The following NCS1 variants were observed in gnomAD, a reference collection of about 807,000 sequenced individuals.
NCS1 encodes frequenin homolog.
In NCS1, 6 loss-of-function variants were observed where a neutral mutation model predicts 28.4. The observed-to-expected ratio is 0.21, with a 90% confidence interval of 0.12 to 0.42. The LOEUF (loss-of-function observed/expected upper bound fraction) is 0.42. Ranked by LOEUF, NCS1 falls within the 10% of genes least tolerant of loss-of-function variation. NCS1 has a pLI of 1.00. For synonymous variants in NCS1, 86 were observed against 99.3 expected, an observed-to-expected ratio of 0.87 and a Z score of 0.79; for missense variants, 131 against 241.4, an observed-to-expected ratio of 0.54 and a Z score of 3.03.
rs1159739239 is a variant in NCS1, at chr9:130,209,624, C to T, written c.90-8208C>T. Among the ~76,000 whole-genome samples, 3 of 152,118 alleles carry T rather than the reference C, an allele frequency of 2.0e-5. No homozygotes were observed. The highest frequency in any genetic ancestry group is 2.1e-4 in the South Asian group (1 of 4,824). ...CGAGGGCATTCACCCAGCCTGGCGCCGTGTTGGGGAAGAGAAGGTGGGAGG... is the reference window on the plus strand; with the variant it reads ...CGAGGGCATTCACCCAGCCTGGCGCTGTGTTGGGGAAGAGAAGGTGGGAGG... On this transcript the variant is annotated intron_variant, in intron 2 of 7. Coordinates refer to ENST00000372398, the MANE Select transcript of NCS1 (RefSeq NM_014286.4). The surrounding 1 kb of genome is among the most constrained non-coding windows in gnomAD (Gnocchi z 4.4).
chr9:130,208,786 C>T (rs1346636647), intron 2 of NCS1, among the ~76,000 whole-genome samples: 1 of 152,082 alleles, frequency 6.6e-6, no homozygotes, highest in South Asian at 2.1e-4. Flanking sequence ...TGAAACGGTG[C>T]CGTGCGGAGA....
chr9:130,178,224 C>T (rs530119607), intron 1 of NCS1, among the ~76,000 whole-genome samples: 48 of 152,272 alleles, frequency 3.2e-4, no homozygotes, highest in Middle Eastern at 6.8e-3. Flanking sequence ...GCAAGTCTTC[C>T]GCATCCAGGG....
chr9:130,212,802 G>C (rs1375314006), intron 2 of NCS1, among the ~76,000 whole-genome samples: 2 of 152,066 alleles, frequency 1.3e-5, no homozygotes, highest in Non-Finnish European at 2.9e-5. Context: ...AGCTCACTCG[G>C]GTGCCCACTG....
At chr9:130,218,488 A>C (rs1833222218) in intron 3 of NCS1, among the ~76,000 whole-genome samples, 1 of 152,240 alleles carries the variant, frequency 6.6e-6, no homozygotes, top group Non-Finnish European at 1.5e-5. Flanking sequence ...ACACCCTGAC[A>C]CTTCTCTTAC....
At chr9:130,185,533 C>T (rs541144198) in intron 1 of NCS1, among the ~76,000 whole-genome samples, 82 of 152,300 alleles carry the variant, frequency 5.4e-4, no homozygotes, top group African/African-American at 1.8e-3. Flanking sequence ...CCAGACCCTT[C>T]TCACCTGCTG....
intron 2 of NCS1, among the ~76,000 whole-genome samples, chr9:130,204,787 G>T (rs1268790172): frequency 4.6e-5 from 7 of 152,204 alleles, no homozygotes; most frequent in African/African-American, 1.7e-4. Context: ...CTCTGCTGGT[G>T]TCAGTAACCG....
chr9:130,193,383 G>A (rs1280936709), intron 1 of NCS1, among the ~76,000 whole-genome samples: 2 of 152,220 alleles, frequency 1.3e-5, no homozygotes, highest in African/African-American at 2.4e-5. Flanking sequence ...GGGATGGGGT[G>A]GGGGCTGAGA....
chr9:130,179,044 C>G (rs2131115456), intron 1 of NCS1, among the ~76,000 whole-genome samples: 1 of 150,764 alleles, frequency 6.6e-6, no homozygotes, highest in South Asian at 2.1e-4. Flanking sequence ...AAGCAAATCT[C>G]CTGTCTCAGC....
Position 130,212,509 on chromosome 9 carries a change from A to G in NCS1, c.90-5323A>G, listed in dbSNP as rs373433622. On this transcript the variant is annotated intron_variant, in intron 2 of 7. Transcript: ENST00000372398. Reference sequence around the variant, plus strand: ...GGGAAACCCTGATCTAGTATGAGCCACTTACTTTACTCACAGGGAAACCGA... The same window carrying G: ...GGGAAACCCTGATCTAGTATGAGCCGCTTACTTTACTCACAGGGAAACCGA... Among the ~76,000 whole-genome samples the G allele has an allele frequency of 2.0e-5, 3 of 148,822 alleles. No individual in the cohort carries two copies. The East Asian group carries it at 5.9e-4, about 29-fold the overall frequency.
intron 4 of NCS1, among the ~76,000 whole-genome samples, chr9:130,220,949 C>A (rs1833275755): frequency 6.6e-6 from 1 of 152,018 alleles, no homozygotes; most frequent in Non-Finnish European, 1.5e-5. Flanking sequence ...ATCCCAGGCC[C>A]CGGGCTCTCC....
Position 130,209,352 on chromosome 9 carries a change from C to G in NCS1, c.89+8370C>G, listed in dbSNP as rs1322663340. Among the ~76,000 whole-genome samples, 1 of 152,156 alleles carries G rather than the reference C, an allele frequency of 6.6e-6. No individual in the cohort carries two copies. The highest frequency in any genetic ancestry group is 2.4e-5 in the African/African-American group (1 of 41,428). On this transcript the variant is annotated intron_variant, in intron 2 of 7. Coordinates refer to ENST00000372398, the MANE Select transcript of NCS1 (RefSeq NM_014286.4). The surrounding 1 kb of genome is among the most constrained non-coding windows in gnomAD (Gnocchi z 4.4). ...TGAGAGTGGCAAATTCGGGGGAAGT[C>G]CTAGAGGACCGGGGCGTTTGGGAGA...
At chr9:130,222,601 T>TC (rs781842921) in intron 4 of NCS1, 49 bp from the exon 5 acceptor site, 2 of 1,512,528 alleles carry the variant, frequency 1.3e-6, no homozygotes, top group African/African-American at 2.8e-5. Flanking sequence ...TGAAGACCCC[T>TC]CCCCACTGCC....
rs1833357004 is a variant in NCS1 at position 130,223,097 on chromosome 9, C to T, written c.412C>T (p.Leu138Phe). 1 of 1,613,812 alleles carries T rather than the reference C, an allele frequency of 6.2e-7. No individual in the cohort carries two copies. Among genetic ancestry groups the T allele is most frequent in the Admixed American group, 1.7e-5 (1 of 59,988 alleles). ...GTCCCTGCAGGGGAATACCGTGGAG[C>T]TCCCAGAGGAGGAGAACACTCCTGA... ...IYQMVGNTVELPEEENTPEKR... is the reference protein window; with the variant it reads ...IYQMVGNTVEFPEEENTPEKR... Residue 138 changes from leucine (L) to phenylalanine (F), a missense_variant, in exon 6 of 8, where the codon CTC becomes TTC. By Grantham distance (22) the Leu-to-Phe change is conservative (BLOSUM62 0). Coordinates refer to ENST00000372398, the MANE Select transcript of NCS1 (RefSeq NM_014286.4).
At chr9:130,189,398 A>C (rs1554905989) in intron 1 of NCS1, among the ~76,000 whole-genome samples, 2 of 152,288 alleles carry the variant, frequency 1.3e-5, no homozygotes, top group African/African-American at 4.8e-5. Context: ...CAGTTGCTTC[A>C]GTGCCTTCCA....
intron 2 of NCS1, among the ~76,000 whole-genome samples, chr9:130,201,598 A>G (rs1405707263): frequency 1.3e-5 from 2 of 152,130 alleles, no homozygotes; most frequent in Non-Finnish European, 2.9e-5. Context: ...TGGAGCAGAC[A>G]GGAGGCTCAC....
Position 130,181,506 on chromosome 9 carries a change from TG to T in NCS1, c.64+8784del, listed in dbSNP as rs72288388. On this transcript the variant is annotated intron_variant, in intron 1 of 7. Coordinates refer to ENST00000372398, the MANE Select transcript of NCS1 (RefSeq NM_014286.4). This position sits in a 1 kb window ranked among gnomAD's most constrained non-coding sequence, Gnocchi z 5.0. The stretch of plus-strand genomic sequence containing the variant: ...TCACCAATTCCACCCAGGAGCCCTG[TG>T]GGGGTCCCCTTTTTACAGATGAGGA... 0.3 allele frequency among the ~76,000 whole-genome samples: 46,210 copies of T among 151,970 alleles called. 8,520 individuals carry two copies. Among genetic ancestry groups the T allele is most frequent in the East Asian group, 0.66 (3,384 of 5,134 alleles).
chr9:130,177,598 G>A lies in NCS1; in HGVS notation c.64+4871G>A, dbSNP rs1208382978. Among the ~76,000 whole-genome samples, 3 of 152,232 alleles carry A rather than the reference G, an allele frequency of 2.0e-5. No individual in the cohort carries two copies. The highest frequency in any genetic ancestry group is 4.8e-5 in the African/African-American group (2 of 41,460). On this transcript the variant is annotated intron_variant, in intron 1 of 7. Coordinates refer to ENST00000372398, the MANE Select transcript of NCS1 (RefSeq NM_014286.4). The surrounding 1 kb of genome is among the most constrained non-coding windows in gnomAD (Gnocchi z 4.4). ...GAGACTGAGGTGGACTCTCGGCATC[G>A]GGATGGGCATCTGGGCAAGAAACAT...
intron 2 of NCS1, among the ~76,000 whole-genome samples, chr9:130,206,762 C>T (rs774972458): frequency 5.3e-5 from 8 of 152,048 alleles, no homozygotes; most frequent in African/African-American, 1.7e-4. Context: ...AGACTCCACC[C>T]GTGCCTGCCT....
At position 130,181,414 on chromosome 9, in the gene NCS1, G is replaced by A. The variant is rs1424759375; in HGVS notation, c.64+8687G>A. ...CGGGACGGTCAGGGGCTGTCACTGC[G>A]GTGAGAATCTGGTATTAGGCATGTT... is the stretch of plus-strand genomic sequence containing the variant. On this transcript the variant is annotated intron_variant, in intron 1 of 7. Transcript: ENST00000372398. The surrounding 1 kb of genome is among the most constrained non-coding windows in gnomAD (Gnocchi z 5.0). Among the ~76,000 whole-genome samples, 8 of 152,166 alleles carry A rather than the reference G, an allele frequency of 5.3e-5. No homozygotes were observed. The highest frequency in any genetic ancestry group is 1.9e-4 in the East Asian group (1 of 5,186).
Sources: gnomAD v4.1 joint callset for allele counts (sites outside exome capture counted in the v4.1 genomes callset) on GRCh38, gnomAD v4.1.1 for gene constraint, Gnocchi (gnomAD v3.1) non-coding constraint, MANE v1.5 for transcripts, NCBI Gene and HGNC (gene_info 2026-07-23, HGNC 2026-07-21) for gene names.